Variants in ASB3 observed in about 807,000 individuals in gnomAD.
The protein encoded by ASB3 is ankyrin repeat and SOCS box containing 3.
ASB3 carries 41 observed loss-of-function variants against 54.5 expected under a neutral mutation model. The ratio of observed to expected loss-of-function variants is 0.75; its 90% CI spans 0.59 to 0.98. ASB3 has a LOEUF of 0.98. Among genes scored for constraint, ASB3 ranks in the 50% least tolerant of loss-of-function variants. The probability of loss-of-function intolerance (pLI) is 0.00; values close to 1 mark genes in which losing one functional copy is unlikely to be tolerated. For missense variants in ASB3, 733 were observed against 620.0 expected, an observed-to-expected ratio of 1.18 and a Z score of -1.94; for synonymous variants, 266 against 221.2, an observed-to-expected ratio of 1.20 and a Z score of -1.80.
At chr2:53,759,664 G>A (rs1558564886) in intron 2 of ASB3, among the ~76,000 whole-genome samples, 2 of 152,192 alleles carry the variant, frequency 1.3e-5, no homozygotes, top group African/African-American at 2.4e-5. Flanking sequence ...TGGGCAAATC[G>A]AATGCCTAAC....
At chr2:53,713,846 G>A (rs1670238764) in intron 7 of ASB3, among the ~76,000 whole-genome samples, 1 of 152,024 alleles carries the variant, frequency 6.6e-6, no homozygotes, top group Non-Finnish European at 1.5e-5. Flanking sequence ...CTGGGATGCA[G>A]AAGTTGCAAT....
At chr2:53,687,227 G>A (rs776636500) in intron 9 of ASB3, among the ~76,000 whole-genome samples, 4 of 151,840 alleles carry the variant, frequency 2.6e-5, no homozygotes, top group Admixed American at 6.6e-5. Context: ...CTGTTAAAAT[G>A]TCAAGTTTAA....
chr2:53,728,831 A>G lies in ASB3; in HGVS notation c.485T>C (p.Ile162Thr). The G allele has an allele frequency of 6.2e-7, 1 of 1,609,156 alleles. No homozygotes were observed. The highest frequency in any genetic ancestry group is 8.5e-7 in the Non-Finnish European group (1 of 1,177,460). Residue 162 changes from isoleucine (I) to threonine (T), a missense_variant, in exon 5 of 10, where the codon ATA (isoleucine) becomes ACA (threonine). Transcript: ENST00000263634. ...TGCTCCTTTTCTAAGAAGCAATTTT[A>G]TGATCTCAGCATTTTCCTAAAGCAC... ...QASFQENAEIIKLLLRKGANK... is the reference protein window; with the variant it reads ...QASFQENAEITKLLLRKGANK...
rs575620741 is a variant in ASB3 at position 53,765,665 on chromosome 2, C to T, written c.-13-80G>A. The stretch of plus-strand genomic sequence containing the variant: ...CTAGAGGTCAGCAAATCACGGTGGG[C>T]CTGTCTAGTATCTCTCACATGACTG... On this transcript the variant is annotated intron_variant, in intron 1 of 9. Transcript: ENST00000263634. 9.1e-6 allele frequency: 14 copies of T among 1,531,600 alleles called. 1 individual carries two copies. The East Asian group carries it at 2.5e-4, about 27-fold the overall frequency. 94.9% of individuals were successfully genotyped at this position (1,531,600 alleles called of 1,614,324 possible). A position where few individuals can be genotyped will look rare whatever the true frequency, so the allele number is the denominator to read the frequency against.
At chr2:53,764,434 A>G (rs1673322081) in intron 2 of ASB3, among the ~76,000 whole-genome samples, 1 of 152,204 alleles carries the variant, frequency 6.6e-6, no homozygotes, top group African/African-American at 2.4e-5. Flanking sequence ...TGGTCTTTTC[A>G]CCAATAAAAT....
chr2:53,729,588 G>T lies in ASB3; in HGVS notation c.356-18C>A. ...TTCAACAGCTGTAATACAGCAGTTA[G>T]AAAAATTAATGTCAGCAAAAAGGCA... On this transcript the variant is annotated intron_variant, in intron 3 of 9. Transcript: ENST00000263634. The T allele has an allele frequency of 6.2e-7, 1 of 1,609,660 alleles. No homozygotes were observed. Among genetic ancestry groups the T allele is most frequent in the South Asian group, 1.1e-5 (1 of 90,762 alleles).
Position 53,670,581 on chromosome 2 carries a change from G to A in ASB3, c.1479C>T (p.Ser493=), listed in dbSNP as rs1667757596. 2 of 1,613,896 alleles carry A rather than the reference G, an allele frequency of 1.2e-6. No homozygotes were observed. Among genetic ancestry groups the A allele is most frequent in the Non-Finnish European group, 1.7e-6 (2 of 1,179,958 alleles). ...SYISQLPLPR[S]LHNYLLYEDV... The stretch of plus-strand genomic sequence containing the variant: ...CTTCATAGAGCAAATAATTATGTAG[G>A]CTTCTGGGAAGTGGCAGCTGACTAA... Residue 493 remains serine (S), a synonymous_variant, in exon 10 of 10, where the codon AGC becomes AGT. Transcript: ENST00000263634.
chr2:53,759,053 C>T (rs1463991440), intron 2 of ASB3, among the ~76,000 whole-genome samples: 3 of 152,160 alleles, frequency 2.0e-5, no homozygotes, highest in Admixed American at 1.3e-4. Context: ...AGACGCTAAC[C>T]ACAAAAGAGA....
At position 53,700,341 on chromosome 2, in the gene ASB3, T is replaced by G. The variant is rs756650007; in HGVS notation, c.1168A>C (p.Lys390Gln). The G allele has an allele frequency of 4.3e-6, 7 of 1,614,116 alleles. No individual in the cohort carries two copies. The highest frequency in any genetic ancestry group is 5.9e-6 in the Non-Finnish European group (7 of 1,180,010). The change falls in exon 8 of 10, where the codon AAA becomes CAA. Residue 390 changes from lysine to glutamine, a missense_variant. Transcript: ENST00000263634. Reference protein sequence around the residue: ...FVNHAIKAQAKYKEWLPHLLV... With the variant: ...FVNHAIKAQAQYKEWLPHLLV... ...AGATGTGGCAACCACTCCTTATATT[T>G]TGCTTGTGCTTTAATTGCATGATTT...
intron 5 of ASB3, among the ~76,000 whole-genome samples, chr2:53,722,200 C>G (rs1223813288): frequency 6.6e-6 from 1 of 150,876 alleles, no homozygotes; most frequent in Non-Finnish European, 1.5e-5. Flanking sequence ...ACCTACCAAC[C>G]AAAAGTCCTG....
At chr2:53,755,990 C>G (rs1322704064) in intron 2 of ASB3, among the ~76,000 whole-genome samples, 1 of 147,492 alleles carries the variant, frequency 6.8e-6, no homozygotes, top group African/African-American at 2.5e-5. Flanking sequence ...CCCCCCCCAC[C>G]TCTACAAAAT....
At chr2:53,739,180 C>T (rs1251702112) in intron 3 of ASB3, among the ~76,000 whole-genome samples, 2 of 152,162 alleles carry the variant, frequency 1.3e-5, no homozygotes, top group African/African-American at 4.8e-5. Context: ...ATGAAGCAAT[C>T]TGGAAAAACA....
chr2:53,743,164 CTTTT>C (rs60857484), intron 3 of ASB3, among the ~76,000 whole-genome samples: 1 of 117,854 alleles, frequency 8.5e-6, no homozygotes. Context: ...ATTTTTTTAC[CTTTT>C]TTTTTTTTTT....
intron 9 of ASB3, among the ~76,000 whole-genome samples, chr2:53,687,952 G>A (rs1668717932): frequency 6.6e-6 from 1 of 151,976 alleles, no homozygotes. Flanking sequence ...CAAGCAGCTG[G>A]GACTACAGTC....
intron 7 of ASB3, among the ~76,000 whole-genome samples, chr2:53,702,344 T>G (rs778618003): frequency 6.6e-6 from 1 of 152,206 alleles, no homozygotes. Flanking sequence ...CAAATACATG[T>G]GCACACTACA....
Position 53,755,725 on chromosome 2 carries a change from G to C in ASB3, c.197-4784C>G, listed in dbSNP as rs550757921. Among the ~76,000 whole-genome samples the C allele has an allele frequency of 2.6e-5, 4 of 152,348 alleles. No homozygotes were observed. In the East Asian group the frequency reaches 5.8e-4, roughly 22 times the overall value. On this transcript the variant is annotated intron_variant, in intron 2 of 9. Transcript: ENST00000263634. ...CATAATGCACACAAGATGCATGGAA[G>C]AAGTCAGTGAAGAGGAAGAGGTTGA... is the stretch of plus-strand genomic sequence containing the variant.
chr2:53,733,145 G>C (rs1671413572), intron 3 of ASB3, among the ~76,000 whole-genome samples: 1 of 152,226 alleles, frequency 6.6e-6, no homozygotes, highest in African/African-American at 2.4e-5. Flanking sequence ...GAGATAGTGG[G>C]AATACAGATG....
At chr2:53,727,540 G>A (rs1251720542) in intron 5 of ASB3, among the ~76,000 whole-genome samples, 4 of 152,104 alleles carry the variant, frequency 2.6e-5, no homozygotes, top group Admixed American at 6.5e-5. Flanking sequence ...GTAGGCTAAA[G>A]GGGCAAAATC....
intron 5 of ASB3, among the ~76,000 whole-genome samples, chr2:53,719,003 CT>C (rs1670551507): frequency 1.2e-4 from 19 of 152,200 alleles, no homozygotes; most frequent in Admixed American, 1.2e-3. Context: ...TTACTGCAAC[CT>C]CTGCCTCCTG....
Sources: gnomAD v4.1 joint callset for allele counts (sites outside exome capture counted in the v4.1 genomes callset) on GRCh38, gnomAD v4.1.1 for gene constraint, MANE v1.5 for transcripts, NCBI Gene and HGNC (gene_info 2026-07-23, HGNC 2026-07-21) for gene names.